MAP3K20: variants seen among roughly 807,000 people sequenced by gnomAD.
MAP3K20 encodes HCCS-4.
Under a neutral mutation model 85.7 loss-of-function variants are expected in MAP3K20, and 40 were observed. That is an observed-to-expected ratio of 0.47 (90% CI 0.36 to 0.61). The LOEUF is 0.61. MAP3K20 is among the 20% of genes least tolerant of loss of function. The probability of loss-of-function intolerance (pLI) is 0.00; values close to 1 mark genes in which losing one functional copy is unlikely to be tolerated. For synonymous variants in MAP3K20, 325 were observed against 327.7 expected, an observed-to-expected ratio of 0.99 and a Z score of 0.09; for missense variants, 817 against 961.7, an observed-to-expected ratio of 0.85 and a Z score of 1.99.
intron 11 of MAP3K20, chr2:173,224,867 AATG>A (rs746044402): frequency 2.0e-6 from 2 of 985,350 alleles, no homozygotes; most frequent in Non-Finnish European, 2.4e-6. Context: ...CAGAATTTCT[AATG>A]ATGATATTGT....
At position 173,198,070 on chromosome 2, in the gene MAP3K20, G is replaced by A; in HGVS notation, c.627G>A (p.Leu209=). The A allele has an allele frequency of 6.2e-6, 10 of 1,613,120 alleles. No homozygotes were observed. The highest frequency in any genetic ancestry group is 8.5e-6 in the Non-Finnish European group (10 of 1,179,380). ...CAAGGGAGGTCCCCTTTAAAGGTTTGGAAGGATTACAAGTAGCTTGGCTTG... is the reference window on the plus strand; with the variant it reads ...CAAGGGAGGTCCCCTTTAAAGGTTTAGAAGGATTACAAGTAGCTTGGCTTG... ...MLTREVPFKG[L]EGLQVAWLVV... Residue 209 remains leucine, a synonymous_variant, in exon 8 of 20, where the codon TTG becomes TTA. Coordinates refer to ENST00000375213, the MANE Select transcript of MAP3K20 (RefSeq NM_016653.3). The surrounding 1 kb of genome is among the most constrained non-coding windows in gnomAD (Gnocchi z 5.8).
chr2:173,222,512 T>C, intron 11 of MAP3K20: 1 of 985,634 alleles, frequency 1.0e-6, no homozygotes, highest in Non-Finnish European at 1.2e-6. Context: ...GAGAAAGAGG[T>C]GGTCTTAAGG....
At chr2:173,090,924 T>C in intron 1 of MAP3K20, 74 bp from the exon 2 acceptor site, 1 of 1,460,144 alleles carries the variant, frequency 6.8e-7, no homozygotes, top group Admixed American at 2.5e-5. Context: ...CATGATATAT[T>C]ATCTAAAGTA....
At chr2:173,236,295 A>C (rs1191357936) in intron 14 of MAP3K20, among the ~76,000 whole-genome samples, 1 of 144,520 alleles carries the variant, frequency 6.9e-6, no homozygotes, top group Non-Finnish European at 1.5e-5. Context: ...AAAAAAAGGC[A>C]GGGACAGGGG....
chr2:173,245,257 C>G (rs11901931), intron 16 of MAP3K20, among the ~76,000 whole-genome samples: 1 of 151,860 alleles, frequency 6.6e-6, no homozygotes, highest in Non-Finnish European at 1.5e-5. Context: ...GAATTCAGAT[C>G]AAGTTATTTT....
intron 1 of MAP3K20, among the ~76,000 whole-genome samples, chr2:173,080,513 A>G (rs768343054): frequency 3.3e-5 from 5 of 152,248 alleles, no homozygotes; most frequent in Admixed American, 6.5e-5. Context: ...AAAGCAAGCC[A>G]TGAAAGACAA....
At chr2:173,264,128 C>T (rs1366529871) in intron 19 of MAP3K20, among the ~76,000 whole-genome samples, 1 of 152,186 alleles carries the variant, frequency 6.6e-6, no homozygotes, top group Non-Finnish European at 1.5e-5. Flanking sequence ...TCCAGATGCT[C>T]AGGCCCAAAC....
At position 173,234,324 on chromosome 2, in the gene MAP3K20, C is replaced by T. The variant is rs550358209; in HGVS notation, c.1203+1865C>T. 2.0e-5 allele frequency among the ~76,000 whole-genome samples: 3 copies of T among 152,226 alleles called. No homozygotes were observed. The South Asian group carries it at 6.2e-4, about 32-fold the overall frequency. ...TGCTGAGCGGTATCATTTAGGCAAG[C>T]GAAGTCCAGACTTACTATTTATTGT... On this transcript the variant is annotated intron_variant, in intron 14 of 19. Coordinates refer to ENST00000375213, the MANE Select transcript of MAP3K20 (RefSeq NM_016653.3).
intron 1 of MAP3K20, among the ~76,000 whole-genome samples, chr2:173,080,584 T>A (rs1020053654): frequency 1.3e-5 from 2 of 152,194 alleles, no homozygotes; most frequent in African/African-American, 4.8e-5. Flanking sequence ...GAGAATCCAT[T>A]TATGACCTAA....
chr2:173,250,028 C>G (rs913878019), intron 16 of MAP3K20, among the ~76,000 whole-genome samples: 4 of 152,184 alleles, frequency 2.6e-5, no homozygotes, highest in African/African-American at 7.2e-5. Context: ...ACCTTAGACA[C>G]AAGCCATTGT....
chr2:173,094,443 C>T (rs1165235901), intron 2 of MAP3K20, among the ~76,000 whole-genome samples: 1 of 152,108 alleles, frequency 6.6e-6, no homozygotes, highest in Non-Finnish European at 1.5e-5. Context: ...GTTATACAGT[C>T]TATATTCACA....
Position 173,266,611 on chromosome 2 carries a change from G to A in MAP3K20, c.2264G>A (p.Arg755Lys), listed in dbSNP as rs778921491. The A allele has an allele frequency of 6.2e-7, 1 of 1,613,894 alleles. No homozygotes were observed. The highest frequency in any genetic ancestry group is 1.7e-5 in the Admixed American group (1 of 59,976). ...GMPLHPETDS[R>K]ASEEDSKVSE... ...CCTTTGCACCCTGAGACTGACTCAA[G>A]AGCCAGTGAAGAGGACAGCAAAGTC... Residue 755 changes from arginine (R) to lysine (K), a missense_variant, in exon 20 of 20, where the codon AGA becomes AAA. Around this residue, in one of 4 missense-constraint regions of MAP3K20, gnomAD observed 454 missense variants for 476.9 expected, o/e 0.95. Coordinates refer to ENST00000375213, the MANE Select transcript of MAP3K20 (RefSeq NM_016653.3).
chr2:173,134,456 G>A (rs1439879913), intron 2 of MAP3K20, among the ~76,000 whole-genome samples: 34 of 38,728 alleles, frequency 8.8e-4, no homozygotes, highest in African/African-American at 3.1e-3. Context: ...TTGCAGAGAC[G>A]GGGTTTCGCC....
chr2:173,081,086 A>G (rs1687000629), intron 1 of MAP3K20, among the ~76,000 whole-genome samples: 2 of 152,120 alleles, frequency 1.3e-5, no homozygotes, highest in Non-Finnish European at 2.9e-5. Context: ...AAAATTTTAT[A>G]TTTAATCTTA....
intron 3 of MAP3K20, among the ~76,000 whole-genome samples, chr2:173,173,425 AG>A (rs1690065342): frequency 6.6e-6 from 1 of 152,142 alleles, no homozygotes; most frequent in Non-Finnish European, 1.5e-5. Flanking sequence ...CTTTGTTCTC[AG>A]GGGCTGATCT....
chr2:173,173,978 T>G (rs998620738), intron 3 of MAP3K20, among the ~76,000 whole-genome samples: 1 of 152,220 alleles, frequency 6.6e-6, no homozygotes, highest in Non-Finnish European at 1.5e-5. Flanking sequence ...GTAAACTACT[T>G]TCTACAGAGA....
At chr2:173,108,589 T>C (rs1222377387) in intron 2 of MAP3K20, among the ~76,000 whole-genome samples, 1 of 152,164 alleles carries the variant, frequency 6.6e-6, no homozygotes, top group Non-Finnish European at 1.5e-5. Flanking sequence ...TGTATAAGAT[T>C]GGTAGAAATG....
chr2:173,156,600 C>A (rs1244953371), intron 2 of MAP3K20, among the ~76,000 whole-genome samples: 1 of 152,166 alleles, frequency 6.6e-6, no homozygotes, highest in Non-Finnish European at 1.5e-5. Flanking sequence ...CAACCTAGAT[C>A]CCTTGAATGT....
At chr2:173,086,730 G>A (rs556156111) in intron 1 of MAP3K20, among the ~76,000 whole-genome samples, 3 of 152,344 alleles carry the variant, frequency 2.0e-5, no homozygotes, top group South Asian at 2.1e-4. Flanking sequence ...AGTGTCAGTT[G>A]TGACTGATCC....
Sources: gnomAD v4.1 joint callset for allele counts (sites outside exome capture counted in the v4.1 genomes callset) on GRCh38, gnomAD v4.1.1 for gene constraint, gnomAD v4.1.1 regional missense constraint, Gnocchi (gnomAD v3.1) non-coding constraint, MANE v1.5 for transcripts, NCBI Gene and HGNC (gene_info 2026-07-23, HGNC 2026-07-21) for gene names.